The following FAN1 variants were observed in gnomAD, a reference collection of about 807,000 sequenced individuals.
FAN1 encodes the protein FANCD2 and FANCI associated nuclease 1, also known as fanconi-associated nuclease 1.
FAN1 carries 91 observed loss-of-function variants against 104.9 expected under a neutral mutation model. That is an observed-to-expected ratio of 0.87 (90% CI 0.73 to 1.03). The LOEUF is 1.03. Ranked by LOEUF, FAN1 falls within the 50% of genes least tolerant of loss-of-function variation. The pLI is 0.00. For missense variants in FAN1, 1,263 were observed against 1,239.9 expected (o/e 1.02, Z -0.28); for synonymous variants, 478 against 457.6 (o/e 1.04, Z -0.57).
At chr15:30,937,386 G>C (rs2062885880) in intron 14 of FAN1, 127 bp downstream of exon 14, 1 of 829,064 alleles carries the variant, frequency 1.2e-6, no homozygotes, top group South Asian at 1.9e-5. Flanking sequence ...TACAGTGTCT[G>C]CATATCACAA....
chr15:30,939,866 AG>A (rs2062980008), intron 14 of FAN1: 14 of 985,350 alleles, frequency 1.4e-5, no homozygotes, highest in Non-Finnish European at 1.7e-5. Context: ...AACTGAAACT[AG>A]CCCTTATTTT....
chr15:30,928,508 G>T (rs993597417), intron 10 of FAN1, 45 bp from the exon 11 acceptor site: 10 of 935,376 alleles, frequency 1.1e-5, no homozygotes, highest in African/African-American at 1.6e-5. Flanking sequence ...AACAGATTTT[G>T]TGTGTGTGTG....
Position 30,913,977 on chromosome 15 carries a change from G to A in FAN1, c.1697G>A (p.Gly566Glu). 4 of 1,614,182 alleles carry A rather than the reference G, an allele frequency of 2.5e-6. No individual in the cohort carries two copies. In the South Asian group the frequency reaches 4.4e-5, roughly 18 times the overall value. ...DSMEDEDAACGGQGQLSTVLL... is the reference protein window; with the variant it reads ...DSMEDEDAACEGQGQLSTVLL... ...ATGGAAGATGAAGACGCCGCTTGTG[G>A]AGGTCAGGGACAGCTTTCAACAGTC... The change falls in exon 5 of 15, where the codon GGA (glycine) becomes GAA (glutamate). Residue 566 changes from glycine (G) to glutamate (E), a missense_variant. Gly to Glu is a moderately conservative substitution (Grantham distance 98, BLOSUM62 -2). Transcript: ENST00000362065.
intron 7 of FAN1, 136 bp from the exon 8 acceptor site, chr15:30,922,099 C>T (rs1036414140): frequency 5.4e-6 from 6 of 1,115,820 alleles, no homozygotes; most frequent in East Asian, 4.8e-5. Context: ...CCTGTCAGTT[C>T]GGGGTCCTTG....
intron 14 of FAN1, among the ~76,000 whole-genome samples, chr15:30,938,600 A>C (rs2062935247): frequency 6.6e-6 from 1 of 152,130 alleles, no homozygotes; most frequent in African/African-American, 2.4e-5. Context: ...GGTGTGGTAG[A>C]AAGGTGATTT....
chr15:30,923,071 C>T (rs1320064671), intron 8 of FAN1, among the ~76,000 whole-genome samples: 1 of 152,158 alleles, frequency 6.6e-6, no homozygotes, highest in East Asian at 1.9e-4. Flanking sequence ...GACTGTGCCT[C>T]TGGGAGCTTT....
intron 14 of FAN1, among the ~76,000 whole-genome samples, chr15:30,938,512 G>C (rs955382895): frequency 1.3e-5 from 2 of 152,136 alleles, no homozygotes; most frequent in African/African-American, 4.8e-5. Context: ...TAACTAGATA[G>C]GGGTATTTTC....
chr15:30,920,758 A>G (rs1053816531), intron 7 of FAN1, 105 bp downstream of exon 7: 1 of 672,726 alleles, frequency 1.5e-6, no homozygotes, highest in Non-Finnish European at 2.6e-6. Context: ...TTTGGTTAGC[A>G]CACAGTAATA....
In FAN1 at chr15:30,914,109, C is replaced by T; in HGVS notation, c.1811+18C>T. 1 of 1,522,750 alleles carries T rather than the reference C, an allele frequency of 6.6e-7. No homozygotes were observed. The allele number at this position is 1,522,750 out of a possible 1,614,324, so 94.3% of individuals were successfully genotyped here. On this transcript the variant is annotated intron_variant, in intron 5 of 14. Transcript: ENST00000362065. Reference sequence around the variant, plus strand: ...CTTATCAGGTAAGATGATGTTAGCTCACTATAATGTCTATATGTGTATTTC... The same window carrying T: ...CTTATCAGGTAAGATGATGTTAGCTTACTATAATGTCTATATGTGTATTTC...
At chr15:30,919,961 C>G (rs1273640519) in intron 6 of FAN1, among the ~76,000 whole-genome samples, 4 of 152,080 alleles carry the variant, frequency 2.6e-5, no homozygotes, top group South Asian at 2.1e-4. Context: ...ACTTAAAAAT[C>G]ACAAGAAGTT....
At chr15:30,920,041 G>A (rs2062287805) in intron 6 of FAN1, among the ~76,000 whole-genome samples, 1 of 152,176 alleles carries the variant, frequency 6.6e-6, no homozygotes, top group African/African-American at 2.4e-5. Flanking sequence ...GGCTTTGCAG[G>A]CCATATGGTT....
At chr15:30,933,535 G>A (rs1213606945) in intron 13 of FAN1, among the ~76,000 whole-genome samples, 2 of 152,070 alleles carry the variant, frequency 1.3e-5, no homozygotes, top group African/African-American at 4.8e-5. Flanking sequence ...TTGTTTTATG[G>A]TCCAGAATAT....
chr15:30,939,568 A>T, intron 14 of FAN1: 1 of 962,128 alleles, frequency 1.0e-6, no homozygotes, highest in Non-Finnish European at 1.2e-6. Context: ...ATCATACAAA[A>T]ATATGCATTT....
rs141812435 is a variant in FAN1 at position 30,925,884 on chromosome 15, G to T, written c.2433G>T (p.Leu811=). The change falls in exon 10 of 15, where the codon CTG becomes CTT. Residue 811 remains leucine, a synonymous_variant. Coordinates refer to ENST00000362065, the MANE Select transcript of FAN1 (RefSeq NM_014967.5). ...AGEAADPTTV[L]CSVEELALAH... ...AGGCCGCTGACCCCACCACGGTCCT[G>T]TGCTCTGTGGAGGAGCTGGCACTGG... 6.2e-7 allele frequency: 1 copy of T among 1,614,222 alleles called. No individual in the cohort carries two copies. Among genetic ancestry groups the T allele is most frequent in the Non-Finnish European group, 8.5e-7 (1 of 1,180,034 alleles).
At chr15:30,929,872 A>T (rs1333603210) in intron 12 of FAN1, among the ~76,000 whole-genome samples, 8 of 94,688 alleles carry the variant, frequency 8.4e-5, no homozygotes, top group African/African-American at 2.8e-4. Flanking sequence ...AATATATATA[A>T]AATATATAAT....
intron 13 of FAN1, among the ~76,000 whole-genome samples, chr15:30,933,729 G>C (rs2062775366): frequency 6.6e-6 from 1 of 151,596 alleles, no homozygotes; most frequent in Non-Finnish European, 1.5e-5. Flanking sequence ...TGATATCTCT[G>C]ATTATAATTG....
In FAN1 at chr15:30,910,514, A is replaced by C. The variant is rs1481840983; in HGVS notation, c.1376-100A>C. On this transcript the variant is annotated intron_variant, in intron 3 of 14. Coordinates refer to ENST00000362065, the MANE Select transcript of FAN1 (RefSeq NM_014967.5). ...ATGATTGGTTTGGCCAACTAATTAA[A>C]ATTTTCTTAGTAGCATTTCATTTTA... 3 of 690,312 alleles carry C rather than the reference A, an allele frequency of 4.3e-6. No individual in the cohort carries two copies. In the East Asian group the frequency reaches 8.3e-5, roughly 19 times the overall value. 42.8% of individuals were successfully genotyped at this position (690,312 alleles called of 1,614,324 possible). A position where few individuals can be genotyped will look rare whatever the true frequency, so the allele number is the denominator to read the frequency against.
chr15:30,922,880 TC>T (rs1251234741), intron 8 of FAN1, among the ~76,000 whole-genome samples: 1 of 152,240 alleles, frequency 6.6e-6, no homozygotes, highest in Non-Finnish European at 1.5e-5. Flanking sequence ...GCACCAGTGC[TC>T]CCTGTGGTGG....
intron 14 of FAN1, chr15:30,940,668 C>T (rs1262219578): frequency 7.1e-6 from 7 of 986,958 alleles, no homozygotes; most frequent in Non-Finnish European, 7.2e-6. Flanking sequence ...GGCCACTCCC[C>T]AGTGGCTTTC....
Sources: allele counts gnomAD v4.1 joint callset (sites outside exome capture counted in the v4.1 genomes callset), GRCh38; gene constraint gnomAD v4.1.1; transcripts MANE v1.5; gene names NCBI Gene and HGNC (gene_info 2026-07-23, HGNC 2026-07-21).